Variants in NIBAN2 observed in about 807,000 individuals in gnomAD.
NIBAN2 encodes the protein protein Niban 2.
A neutral mutation model predicts 81.8 loss-of-function variants in NIBAN2; 36 were observed. That is an observed-to-expected ratio of 0.44 (90% CI 0.34 to 0.58). The LOEUF (loss-of-function observed/expected upper bound fraction) is 0.58, where lower values mean the gene tolerates loss of function less well. NIBAN2 is among the 20% of genes least tolerant of loss of function. The probability of loss-of-function intolerance (pLI) is 0.02; values close to 1 mark genes in which losing one functional copy is unlikely to be tolerated. For missense variants in NIBAN2, 897 were observed against 1,014.1 expected, an observed-to-expected ratio of 0.88 and a Z score of 1.57; for synonymous variants, 445 against 441.6, an observed-to-expected ratio of 1.01 and a Z score of -0.10.
At chr9:127,562,055 G>A in intron 1 of NIBAN2, among the ~76,000 whole-genome samples, 1 of 152,186 alleles carries the variant, frequency 6.6e-6, no homozygotes, top group Non-Finnish European at 1.5e-5. Context: ...GGGGAAGGAG[G>A]AGGGGGGCGC....
intron 1 of NIBAN2, among the ~76,000 whole-genome samples, chr9:127,539,144 A>G (rs1837333117): frequency 6.6e-6 from 1 of 152,090 alleles, no homozygotes. Context: ...GTCAGTCAAA[A>G]AAAAAGAAAG....
At chr9:127,529,198 CCT>C (rs1429596854) in intron 2 of NIBAN2, among the ~76,000 whole-genome samples, 11 of 152,192 alleles carry the variant, frequency 7.2e-5, no homozygotes, top group Non-Finnish European at 1.3e-4. Flanking sequence ...AACTGGAACT[CCT>C]GTGTCGGCAC....
At chr9:127,558,201 C>T (rs778704312) in intron 1 of NIBAN2, among the ~76,000 whole-genome samples, 18 of 152,292 alleles carry the variant, frequency 1.2e-4, no homozygotes, top group African/African-American at 3.8e-4. Context: ...CTGTGAGGCC[C>T]GCACAGGGCT....
intron 2 of NIBAN2, among the ~76,000 whole-genome samples, chr9:127,527,919 C>G (rs1297426699): frequency 6.6e-6 from 1 of 152,040 alleles, no homozygotes; most frequent in Non-Finnish European, 1.5e-5. Flanking sequence ...ATGGAGGGGG[C>G]CTCTGTCTGG....
chr9:127,573,550 G>A (rs1837973492), upstream of NIBAN2, among the ~76,000 whole-genome samples: 1 of 151,910 alleles, frequency 6.6e-6, no homozygotes, highest in African/African-American at 2.4e-5. Flanking sequence ...TAAAATGCTG[G>A]AAACCCCTGC....
chr9:127,524,606 G>T (rs1035971329), intron 4 of NIBAN2, among the ~76,000 whole-genome samples: 10 of 152,092 alleles, frequency 6.6e-5, no homozygotes, highest in Non-Finnish European at 1.5e-4. Flanking sequence ...AATGCCGCTC[G>T]AATCCAGGAA....
chr9:127,564,090 C>T (rs564173023), intron 1 of NIBAN2, among the ~76,000 whole-genome samples: 27 of 151,936 alleles, frequency 1.8e-4, no homozygotes, highest in African/African-American at 4.8e-4. Flanking sequence ...GTCAAGAGTT[C>T]GAGACCAACT....
intron 1 of NIBAN2, among the ~76,000 whole-genome samples, chr9:127,538,265 G>A (rs996879119): frequency 1.3e-5 from 2 of 152,194 alleles, no homozygotes; most frequent in Admixed American, 6.5e-5. Flanking sequence ...TCACAAGCCA[G>A]TCCTCCTAAC....
At chr9:127,569,600 C>T (rs1169323457), upstream of NIBAN2, among the ~76,000 whole-genome samples, 1 of 152,016 alleles carries the variant, frequency 6.6e-6, no homozygotes, top group East Asian at 1.9e-4. Context: ...TTCGCCCCCT[C>T]CTCTACCCTG....
At chr9:127,531,590 C>A in intron 2 of NIBAN2, 58 bp downstream of exon 2, 1 of 1,570,902 alleles carries the variant, frequency 6.4e-7, no homozygotes, top group Non-Finnish European at 8.7e-7. Flanking sequence ...GGTCACTCCC[C>A]CGAGGCCACA....
intron 1 of NIBAN2, among the ~76,000 whole-genome samples, chr9:127,540,583 C>T (rs1837359865): frequency 6.6e-6 from 1 of 152,174 alleles, no homozygotes; most frequent in African/African-American, 2.4e-5. Context: ...CATTTCAGAC[C>T]AGGTGACCGA....
intron 1 of NIBAN2, among the ~76,000 whole-genome samples, chr9:127,535,519 C>T (rs1219638098): frequency 2.6e-5 from 4 of 152,108 alleles, no homozygotes; most frequent in African/African-American, 9.7e-5. Flanking sequence ...GCAGGGACCC[C>T]GCTGCCTGTC....
intron 1 of NIBAN2, among the ~76,000 whole-genome samples, chr9:127,575,230 CTTT>C (rs11309796): frequency 2.0e-4 from 24 of 122,536 alleles, no homozygotes; most frequent in Middle Eastern, 4.4e-3. Flanking sequence ...AATATGGATT[CTTT>C]TTTTTTTTTT....
intron 2 of NIBAN2, among the ~76,000 whole-genome samples, chr9:127,527,733 C>A (rs1051015138): frequency 4.6e-5 from 7 of 152,192 alleles, no homozygotes; most frequent in African/African-American, 1.4e-4. Context: ...TCGCTCCGGG[C>A]ACGGGGGACA....
chr9:127,540,541 C>T (rs1382483406), intron 1 of NIBAN2, among the ~76,000 whole-genome samples: 2 of 152,344 alleles, frequency 1.3e-5, no homozygotes, highest in Non-Finnish European at 1.5e-5. Context: ...TTCAACTCAA[C>T]CTCGGGCCAG....
rs147489608 is a variant in NIBAN2 at position 127,533,349 on chromosome 9, C to A, written c.56-1571G>T. Among the ~76,000 whole-genome samples the A allele has an allele frequency of 8.7e-3, 1,321 of 152,226 alleles. 32 individuals carry two copies. The highest frequency in any genetic ancestry group is 0.028 in the African/African-American group (1,146 of 41,540). Reference sequence around the variant, plus strand: ...GCGGGCGCCTGTAGTCCCAGCTACTCGGGAGGCTGAGGCAGGAGAATGGCA... The same window carrying A: ...GCGGGCGCCTGTAGTCCCAGCTACTAGGGAGGCTGAGGCAGGAGAATGGCA... On this transcript the variant is annotated intron_variant, in intron 1 of 13. Coordinates refer to ENST00000373312, the MANE Select transcript of NIBAN2 (RefSeq NM_022833.4).
intron 8 of NIBAN2, among the ~76,000 whole-genome samples, chr9:127,514,991 C>T (rs764132943): frequency 3.9e-5 from 6 of 152,130 alleles, no homozygotes; most frequent in Non-Finnish European, 8.8e-5. Flanking sequence ...CAGTAAGACC[C>T]CCTTCTCTCT....
chr9:127,538,630 GAAAAAAAA>G (rs11341312), intron 1 of NIBAN2, among the ~76,000 whole-genome samples: 3 of 127,380 alleles, frequency 2.4e-5, no homozygotes, highest in South Asian at 2.5e-4. Context: ...CCATCTCAAA[GAAAAAAAA>G]AAAAAAAAAG....
In NIBAN2 at chr9:127,510,178, T is replaced by G; in HGVS notation, c.1129A>C (p.Ile377Leu). Residue 377 changes from isoleucine (I) to leucine (L), a missense_variant, in exon 9 of 14, where the codon ATC becomes CTC. Ile to Leu is a conservative substitution (Grantham distance 5). Transcript: ENST00000373312. ...AGCTTGTCAATGCCGCCCTCGTTGA[T>G]GACGTTCAGGTTCATGTCCGTGACC... ...KEVTDMNLNV[I>L]NEGGIDKLGE... is the part of the protein sequence containing the mutation. 1 of 1,613,536 alleles carries G rather than the reference T, an allele frequency of 6.2e-7. No homozygotes were observed. Among genetic ancestry groups the G allele is most frequent in the Non-Finnish European group, 8.5e-7 (1 of 1,179,580 alleles).
Sources: allele counts gnomAD v4.1 joint callset (sites outside exome capture counted in the v4.1 genomes callset), GRCh38; gene constraint gnomAD v4.1.1; transcripts MANE v1.5; gene names NCBI Gene and HGNC (gene_info 2026-07-23, HGNC 2026-07-21).